PDGFD: variants seen among roughly 807,000 people sequenced by gnomAD.
The protein encoded by PDGFD is platelet derived growth factor D, also known as platelet-derived growth factor D.
PDGFD carries 30 observed loss-of-function variants against 44.7 expected under a neutral mutation model. The observed-to-expected ratio is 0.67, with a 90% CI of 0.50 to 0.91. The LOEUF is 0.91. PDGFD is among the 40% of genes least tolerant of loss of function. The pLI is 0.00. For missense variants in PDGFD, 445 were observed against 457.8 expected (o/e 0.97, Z 0.25); for synonymous variants, 173 against 168.4 (o/e 1.03, Z -0.21).
intron 1 of PDGFD, among the ~76,000 whole-genome samples, chr11:104,098,587 C>T (rs1388736948): frequency 3.3e-5 from 5 of 150,980 alleles, no homozygotes; most frequent in Non-Finnish European, 7.4e-5. Flanking sequence ...ACAATGCATG[C>T]AGCCTCAACC....
At chr11:104,045,489 G>A (rs1222943176) in intron 1 of PDGFD, among the ~76,000 whole-genome samples, 1 of 151,918 alleles carries the variant, frequency 6.6e-6, no homozygotes, top group African/African-American at 2.4e-5. Context: ...ACAAAAAAAA[G>A]TGAGTACAAA....
intron 1 of PDGFD, among the ~76,000 whole-genome samples, chr11:104,000,925 C>A (rs1859610427): frequency 6.6e-6 from 1 of 152,110 alleles, no homozygotes. Context: ...AGTTTCCAAA[C>A]CCTTGGAATT....
chr11:104,162,572 T>C (rs1327576622), intron 1 of PDGFD, among the ~76,000 whole-genome samples: 1 of 151,514 alleles, frequency 6.6e-6, no homozygotes, highest in Non-Finnish European at 1.5e-5. Flanking sequence ...GATGACTCTG[T>C]GGCTTCCCCT....
chr11:103,918,627 G>T (rs186321363), intron 6 of PDGFD, among the ~76,000 whole-genome samples: 1 of 152,112 alleles, frequency 6.6e-6, no homozygotes, highest in Non-Finnish European at 1.5e-5. Context: ...ATTAAGCAAC[G>T]TGAGCACGGT....
chr11:104,120,284 T>C (rs573089750), intron 1 of PDGFD, among the ~76,000 whole-genome samples: 7 of 151,954 alleles, frequency 4.6e-5, no homozygotes, highest in African/African-American at 1.7e-4. Context: ...TTTCCAATTA[T>C]CCTTTCAGTC....
chr11:104,109,525 C>T (rs1861521084), intron 1 of PDGFD, among the ~76,000 whole-genome samples: 1 of 152,016 alleles, frequency 6.6e-6, no homozygotes, highest in Non-Finnish European at 1.5e-5. Context: ...TGTACGTAGG[C>T]TTTATCTCAT....
chr11:103,986,098 T>C (rs1318022842), intron 3 of PDGFD, among the ~76,000 whole-genome samples: 1 of 152,130 alleles, frequency 6.6e-6, no homozygotes, highest in Non-Finnish European at 1.5e-5. Flanking sequence ...CAATCTTGAG[T>C]GGAGGTTAGC....
At chr11:104,057,988 C>A (rs76071336) in intron 1 of PDGFD, among the ~76,000 whole-genome samples, 348 of 152,218 alleles carry the variant, frequency 2.3e-3, no homozygotes, top group African/African-American at 8.2e-3. Flanking sequence ...AGAACTTGGG[C>A]TGTTACCTTG....
intron 1 of PDGFD, among the ~76,000 whole-genome samples, chr11:104,152,608 G>A (rs1196491690): frequency 6.6e-6 from 1 of 152,018 alleles, no homozygotes; most frequent in Non-Finnish European, 1.5e-5. Context: ...TATTGGAAAG[G>A]TATGACAAAA....
intron 1 of PDGFD, among the ~76,000 whole-genome samples, chr11:104,024,978 C>T (rs1860020980): frequency 6.6e-6 from 1 of 152,156 alleles, no homozygotes; most frequent in African/African-American, 2.4e-5. Flanking sequence ...CAACTCAATG[C>T]TATGTGTATT....
At chr11:103,994,881 C>CTTTT (rs35702032) in intron 3 of PDGFD, among the ~76,000 whole-genome samples, 2 of 136,416 alleles carry the variant, frequency 1.5e-5, no homozygotes, top group Non-Finnish European at 1.6e-5. Flanking sequence ...GTTGCTATTC[C>CTTTT]TTTTTTTTTT....
At chr11:104,033,948 C>T (rs138312069) in intron 1 of PDGFD, among the ~76,000 whole-genome samples, 2 of 152,220 alleles carry the variant, frequency 1.3e-5, no homozygotes, top group Non-Finnish European at 2.9e-5. Context: ...AATTACAATG[C>T]TAGATTTTTT....
intron 1 of PDGFD, among the ~76,000 whole-genome samples, chr11:104,071,535 T>C (rs975671400): frequency 1.3e-5 from 2 of 151,820 alleles, no homozygotes; most frequent in South Asian, 2.1e-4. Context: ...ACATTCTTCA[T>C]ATGTAAGTAA....
intron 1 of PDGFD, among the ~76,000 whole-genome samples, chr11:104,114,031 C>T (rs913784450): frequency 2.0e-5 from 3 of 151,960 alleles, no homozygotes; most frequent in African/African-American, 7.3e-5. Context: ...AATATCTTCT[C>T]CCAGTGTGTG....
intron 1 of PDGFD, among the ~76,000 whole-genome samples, chr11:104,076,120 G>T (rs1329050305): frequency 6.6e-6 from 1 of 152,110 alleles, no homozygotes; most frequent in Non-Finnish European, 1.5e-5. Flanking sequence ...TTTCCCTATT[G>T]CTCAGCACTT....
At position 103,979,938 on chromosome 11, in the gene PDGFD, C is replaced by T. The variant is rs115069080; in HGVS notation, c.510+16127G>A. The stretch of plus-strand genomic sequence containing the variant: ...TTCAAATCAAAATTAGGCACTGGCC[C>T]GCAATCTTAAATTAGAGCTCTGCCT... On this transcript the variant is annotated intron_variant, in intron 3 of 6. Transcript: ENST00000393158. 3.1e-3 allele frequency among the ~76,000 whole-genome samples: 476 copies of T among 152,136 alleles called. 1 individual carries two copies. The highest frequency in any genetic ancestry group is 0.01 in the African/African-American group (436 of 41,528).
chr11:104,152,495 T>A lies in PDGFD; in HGVS notation c.124+11309A>T, dbSNP rs1193961623. On this transcript the variant is annotated intron_variant, in intron 1 of 6. Coordinates refer to ENST00000393158, the MANE Select transcript of PDGFD (RefSeq NM_025208.5). ...GTGTTCTATCATCTATCTTCTAGAC[T>A]GACTCTTAAGACTTGTTTCCTCATC... 7.9e-5 allele frequency among the ~76,000 whole-genome samples: 12 copies of A among 152,296 alleles called. No homozygotes were observed. In the South Asian group the frequency reaches 2.3e-3, roughly 29 times the overall value.
At chr11:104,158,845 CAGT>C (rs1169370407) in intron 1 of PDGFD, among the ~76,000 whole-genome samples, 2 of 149,906 alleles carry the variant, frequency 1.3e-5, no homozygotes, top group African/African-American at 2.5e-5. Flanking sequence ...CAGGGGTTAG[CAGT>C]AGAAGTTATG....
intron 1 of PDGFD, among the ~76,000 whole-genome samples, chr11:104,138,522 C>T (rs923065459): frequency 1.3e-5 from 2 of 152,140 alleles, no homozygotes; most frequent in African/African-American, 4.8e-5. Flanking sequence ...AAACGGTGGT[C>T]CACAAACCTG....
Sources: allele counts gnomAD v4.1 joint callset (sites outside exome capture counted in the v4.1 genomes callset), GRCh38; gene constraint gnomAD v4.1.1; transcripts MANE v1.5; gene names NCBI Gene and HGNC (gene_info 2026-07-23, HGNC 2026-07-21).